CDH23: variants seen among roughly 807,000 people sequenced by gnomAD.
CDH23 encodes the protein cadherin-23.
CDH23 carries 189 observed loss-of-function variants against 317.1 expected under a neutral mutation model. The observed-to-expected ratio is 0.60, with a 90% CI of 0.53 to 0.67. CDH23 has a LOEUF of 0.67. CDH23 is among the 30% of genes least tolerant of loss of function. CDH23 has a pLI of 0.00. For synonymous variants in CDH23, 1,839 were observed against 1,876.8 expected (o/e 0.98, Z 0.52); for missense variants, 4,401 against 4,592.4 (o/e 0.96, Z 1.20).
rs1564803887 is a variant in CDH23 at position 71,806,011 on chromosome 10, CCGGTGCGAGGGG to C, written c.8064+18_8064+29del. 1 of 1,595,602 alleles carries C rather than the reference CCGGTGCGAGGGG, an allele frequency of 6.3e-7. No individual in the cohort carries two copies. Among genetic ancestry groups the C allele is most frequent in the South Asian group, 1.1e-5 (1 of 88,996 alleles). ...GCGGTGTACAGCGTAAGGGCGGGGCCCGGTGCGAGGGGCGGGGTCTGGGGCGGGGCTTTCTTC... is the reference window on the plus strand; with the variant it reads ...GCGGTGTACAGCGTAAGGGCGGGGCCCGGGGTCTGGGGCGGGGCTTTCTTC... On this transcript the variant is annotated intron_variant, in intron 56 of 69. Transcript: ENST00000224721.
chr10:71,404,310 C>T (rs530563893), intron 1 of CDH23, among the ~76,000 whole-genome samples: 4 of 152,226 alleles, frequency 2.6e-5, no homozygotes, highest in Admixed American at 6.5e-5. Flanking sequence ...CTTCTGACTT[C>T]ACTCTGATTT....
intron 18 of CDH23, among the ~76,000 whole-genome samples, chr10:71,685,770 G>C (rs1482087573): frequency 6.6e-6 from 1 of 152,328 alleles, no homozygotes; most frequent in East Asian, 1.9e-4. Context: ...CTCAAGCAGG[G>C]CCTCTGGATG....
intron 14 of CDH23, among the ~76,000 whole-genome samples, chr10:71,666,068 G>A (rs1863878849): frequency 6.6e-6 from 1 of 152,122 alleles, no homozygotes. Context: ...AGTCCACAAT[G>A]GAACAAAAGG....
chr10:71,700,219 T>C (rs1044570697), intron 22 of CDH23, among the ~76,000 whole-genome samples: 1 of 152,142 alleles, frequency 6.6e-6, no homozygotes, highest in Non-Finnish European at 1.5e-5. Context: ...AAACCTTGTC[T>C]CTATTAAAAA....
Position 71,790,319 on chromosome 10 carries a change from C to T in CDH23, c.5955C>T (p.Ile1985=). The T allele has an allele frequency of 6.2e-7, 1 of 1,613,926 alleles. No individual in the cohort carries two copies. Among genetic ancestry groups the T allele is most frequent in the Non-Finnish European group, 8.5e-7 (1 of 1,179,876 alleles). ...CTCTCACGGTGCTCAATGGGCCCAT[C>T]CTGGCCCTGGATGCAGACCAAGACA... The part of the protein sequence containing the change: ...GTPLTVLNGP[I]LALDADQDIY... Residue 1985 remains isoleucine (I), a synonymous_variant, in exon 46 of 70, where the codon ATC becomes ATT. Coordinates refer to ENST00000224721, the MANE Select transcript of CDH23 (RefSeq NM_022124.6).
chr10:71,809,167 C>CTTTTTTTTTTTTT (rs61078259), intron 60 of CDH23, among the ~76,000 whole-genome samples: 1 of 68,828 alleles, frequency 1.5e-5, no homozygotes, highest in Non-Finnish European at 2.5e-5. Context: ...TTTCTTTTTC[C>CTTTTTTTTTTTTT]TTTTTTTTTT....
intron 38 of CDH23, among the ~76,000 whole-genome samples, chr10:71,759,956 C>T (rs1840280265): frequency 8.2e-6 from 1 of 122,342 alleles, no homozygotes; most frequent in Non-Finnish European, 1.8e-5. Context: ...CATATATATA[C>T]ACACACATAT....
chr10:71,617,605 A>G lies in CDH23; in HGVS notation c.1134+212A>G, dbSNP rs2132520996. The G allele has an allele frequency of 4.0e-6, 5 of 1,243,252 alleles. No homozygotes were observed. The South Asian group carries it at 4.7e-5, about 12-fold the overall frequency. 77.0% of individuals were successfully genotyped at this position (1,243,252 alleles called of 1,614,324 possible). On this transcript the variant is annotated intron_variant, in intron 11 of 69. Coordinates refer to ENST00000224721, the MANE Select transcript of CDH23 (RefSeq NM_022124.6). The stretch of plus-strand genomic sequence containing the variant: ...CACCCTGCAAAAAACATGTAAGCAC[A>G]TGTTTCCATATGTGTGGTTATTATT...
chr10:71,640,088 A>T (rs1189361674), intron 11 of CDH23, among the ~76,000 whole-genome samples: 2 of 152,120 alleles, frequency 1.3e-5, no homozygotes, highest in African/African-American at 2.4e-5. Flanking sequence ...AACCCCAAGA[A>T]TTCTCCTAAA....
intron 3 of CDH23, among the ~76,000 whole-genome samples, chr10:71,491,004 C>T (rs1203625870): frequency 6.6e-6 from 1 of 151,924 alleles, no homozygotes; most frequent in African/African-American, 2.4e-5. Context: ...AGCGAGACTC[C>T]ATCGCAAAAA....
chr10:71,557,106 TTAATTA>T (rs1390532596), intron 6 of CDH23, among the ~76,000 whole-genome samples: 1 of 152,182 alleles, frequency 6.6e-6, no homozygotes, highest in Non-Finnish European at 1.5e-5. Context: ...TCCTCCAAAC[TTAATTA>T]TATTTCTCTT....
intron 31 of CDH23, among the ~76,000 whole-genome samples, chr10:71,730,922 A>G (rs1438683118): frequency 6.6e-6 from 1 of 152,200 alleles, no homozygotes; most frequent in Non-Finnish European, 1.5e-5. Context: ...CAGAGCTGGG[A>G]GGGGTAAAGA....
At position 71,569,289 on chromosome 10, in the gene CDH23, TC is replaced by T. The variant is rs1857619800; in HGVS notation, c.625-1498del. 5.3e-5 allele frequency among the ~76,000 whole-genome samples: 8 copies of T among 151,246 alleles called. 1 individual carries two copies. Among genetic ancestry groups the T allele is most frequent in the Admixed American group, 5.2e-4 (8 of 15,246 alleles). ...GAGGATTCCTAAAGACAACCAGCCC[TC>T]CCTTCTCCTAGGCACAGCAGCTCCA... On this transcript the variant is annotated intron_variant, in intron 7 of 69. Coordinates refer to ENST00000224721, the MANE Select transcript of CDH23 (RefSeq NM_022124.6).
intron 1 of CDH23, among the ~76,000 whole-genome samples, chr10:71,403,293 T>G (rs1264074902): frequency 1.3e-5 from 2 of 152,000 alleles, no homozygotes; most frequent in African/African-American, 2.4e-5. Context: ...CCCTTTCATT[T>G]GCTTGCTTTC....
chr10:71,620,991 C>T (rs1861441092), intron 11 of CDH23, among the ~76,000 whole-genome samples: 2 of 152,192 alleles, frequency 1.3e-5, no homozygotes, highest in Non-Finnish European at 1.5e-5. Context: ...GGGGAGGCCC[C>T]ATCATGATGG....
chr10:71,623,663 C>T (rs967879006), intron 11 of CDH23, among the ~76,000 whole-genome samples: 7 of 152,158 alleles, frequency 4.6e-5, no homozygotes, highest in Non-Finnish European at 7.3e-5. Flanking sequence ...CAGTGTCTGA[C>T]GGTTTAGCAG....
intron 1 of CDH23, among the ~76,000 whole-genome samples, chr10:71,401,329 C>T (rs1166855673): frequency 2.0e-5 from 3 of 152,168 alleles, no homozygotes; most frequent in Non-Finnish European, 2.9e-5. Context: ...TGGCTCTGGC[C>T]TCTCAGTAGC....
In CDH23 at chr10:71,695,496, A is replaced by G. The variant is rs187827251; in HGVS notation, c.2368A>G (p.Met790Val). The change falls in exon 22 of 70, where the codon ATG becomes GTG. Residue 790 changes from methionine to valine, a missense_variant. Around this residue, in one of 3 missense-constraint regions of CDH23, gnomAD observed 3,068 missense variants for 3,203.3 expected, o/e 0.96. Transcript: ENST00000224721. The part of the protein sequence containing the change: ...DAPYYINLVE[M>V]TPPDSDVTTV... ...ACCCTACTACATCAACCTGGTGGAG[A>G]TGACCCCTCCAGACTCTGATGTGAC... 36 of 1,613,436 alleles carry G rather than the reference A, an allele frequency of 2.2e-5. No individual in the cohort carries two copies. The East Asian group carries it at 6.5e-4, about 29-fold the overall frequency.
At chr10:71,424,737 G>C (rs775508672) in intron 1 of CDH23, among the ~76,000 whole-genome samples, 2 of 152,218 alleles carry the variant, frequency 1.3e-5, no homozygotes, top group Non-Finnish European at 2.9e-5. Context: ...TGGGCAGGCT[G>C]GGGGGAAGCC....
Sources: allele counts gnomAD v4.1 joint callset (sites outside exome capture counted in the v4.1 genomes callset), GRCh38; gene constraint gnomAD v4.1.1; regional missense constraint gnomAD v4.1.1; transcripts MANE v1.5; gene names NCBI Gene and HGNC (gene_info 2026-07-23, HGNC 2026-07-21).